Variants in ABCF1 observed in about 807,000 individuals in gnomAD.
The protein encoded by ABCF1 is ATP-binding cassette sub-family F member 1.
Under a neutral mutation model 126.3 loss-of-function variants are expected in ABCF1, and 73 were observed. That is an observed-to-expected ratio of 0.58 (90% CI 0.48 to 0.70). ABCF1 has a LOEUF of 0.70. Among genes scored for constraint, ABCF1 ranks in the 30% least tolerant of loss-of-function variants. The pLI is 0.00. For synonymous variants in ABCF1, 345 were observed against 396.4 expected, an observed-to-expected ratio of 0.87 and a Z score of 1.54; for missense variants, 786 against 1,057.5, an observed-to-expected ratio of 0.74 and a Z score of 3.56.
chr6:30,586,592 A>G lies in ABCF1; in HGVS notation c.1960+44A>G. The G allele has an allele frequency of 6.2e-7, 1 of 1,613,190 alleles. No individual in the cohort carries two copies. Among genetic ancestry groups the G allele is most frequent in the Non-Finnish European group, 8.5e-7 (1 of 1,179,806 alleles). ...CTCAGGGATGTGTAGCAGGAGCCAC[A>G]GGGAGAGTCTCTGGGGACCTCTTTG... On this transcript the variant is annotated intron_variant, in intron 19 of 24. Coordinates refer to ENST00000326195, the MANE Select transcript of ABCF1 (RefSeq NM_001025091.2). This position sits in a 1 kb window ranked among gnomAD's most constrained non-coding sequence, Gnocchi z 4.9.
At chr6:30,581,586 G>A (rs1314977550) in intron 8 of ABCF1, among the ~76,000 whole-genome samples, 1 of 151,666 alleles carries the variant, frequency 6.6e-6, no homozygotes, top group Non-Finnish European at 1.5e-5. Context: ...TGTGTTTTTA[G>A]TAGAGACAGG....
At chr6:30,571,614 G>C in intron 1 of ABCF1, 54 bp downstream of exon 1, 2 of 1,565,796 alleles carry the variant, frequency 1.3e-6, no homozygotes, top group Non-Finnish European at 1.7e-6. Flanking sequence ...AGAGGAGACT[G>C]CGCGTGTTTT....
At chr6:30,576,628 ATTC>A (rs1179728271) in intron 1 of ABCF1, among the ~76,000 whole-genome samples, 2 of 151,830 alleles carry the variant, frequency 1.3e-5, no homozygotes, top group South Asian at 2.1e-4. Context: ...CATCCTATGA[ATTC>A]TTCTTTATGT....
At chr6:30,572,448 A>G (rs1801301179) in intron 1 of ABCF1, among the ~76,000 whole-genome samples, 1 of 152,162 alleles carries the variant, frequency 6.6e-6, no homozygotes, top group African/African-American at 2.4e-5. Flanking sequence ...AGAGAGGAGG[A>G]GCATCTACTC....
At chr6:30,585,210 A>G in intron 14 of ABCF1, 50 bp from the exon 15 acceptor site, 1 of 1,528,734 alleles carries the variant, frequency 6.5e-7, no homozygotes, top group African/African-American at 1.4e-5. Context: ...GGGTTGTCTG[A>G]GCAAGGATCT....
chr6:30,571,556 A>C lies in ABCF1; in HGVS notation c.69A>C (p.Pro23=). ...EWIGDGESTS[P]SDKVVKKGKK... Reference sequence around the variant, plus strand: ...TCGGGGACGGAGAGAGCACGAGCCCATCAGGTGAGGCTGGTAGGCAAGGAA... The same window carrying C: ...TCGGGGACGGAGAGAGCACGAGCCCCTCAGGTGAGGCTGGTAGGCAAGGAA... Residue 23 remains proline, a synonymous_variant, in exon 1 of 25, where the codon CCA becomes CCC. Transcript: ENST00000326195. The C allele has an allele frequency of 2.5e-6, 4 of 1,609,852 alleles. No homozygotes were observed. The highest frequency in any genetic ancestry group is 3.4e-6 in the Non-Finnish European group (4 of 1,179,368).
rs1396915346 is a variant in ABCF1 at position 30,584,803 on chromosome 6, T to C, written c.1391+237T>C. ...TGGGTCACGCCTGTAATCCCAGCAC[T>C]TTGGAAGGCAGAGGCAGGAGGATTA... is the stretch of plus-strand genomic sequence containing the variant. On this transcript the variant is annotated intron_variant, in intron 14 of 24. Coordinates refer to ENST00000326195, the MANE Select transcript of ABCF1 (RefSeq NM_001025091.2). This position sits in a 1 kb window ranked among gnomAD's most constrained non-coding sequence, Gnocchi z 4.6. Among the ~76,000 whole-genome samples, 1 of 152,144 alleles carries C rather than the reference T, an allele frequency of 6.6e-6. No individual in the cohort carries two copies. The highest frequency in any genetic ancestry group is 1.5e-5 in the Non-Finnish European group (1 of 68,016).
chr6:30,580,014 G>C lies in ABCF1; in HGVS notation c.564+9G>C. The C allele has an allele frequency of 6.2e-7, 1 of 1,611,872 alleles. No homozygotes were observed. The highest frequency in any genetic ancestry group is 8.5e-7 in the Non-Finnish European group (1 of 1,179,350). On this transcript the variant is annotated intron_variant, in intron 7 of 24. Transcript: ENST00000326195. ...CAAAAGGGAAGGCTAAGGTGAGAGA[G>C]TAACTAGCAGGAGGAGGTATTGGGG...
At position 30,582,426 on chromosome 6, in the gene ABCF1, G is replaced by A. The variant is rs766306941; in HGVS notation, c.711G>A (p.Glu237=). Residue 237 remains glutamate, a synonymous_variant, in exon 9 of 25, where the codon GAG becomes GAA. Transcript: ENST00000326195. ...GSEEEGEGEE[E]EEEGGESKAD... ...AGGAAGAAGGAGAAGGGGAAGAAGAGGAGGAGGAAGGAGGAGAGTCTAAGG... is the reference window on the plus strand; with the variant it reads ...AGGAAGAAGGAGAAGGGGAAGAAGAAGAGGAGGAAGGAGGAGAGTCTAAGG... The A allele has an allele frequency of 5.6e-6, 9 of 1,610,570 alleles. No individual in the cohort carries two copies. Among genetic ancestry groups the A allele is most frequent in the South Asian group, 1.1e-5 (1 of 90,976 alleles).
At chr6:30,577,771 G>T (rs1027794788) in intron 2 of ABCF1, 47 bp from the exon 3 acceptor site, 34 of 1,584,208 alleles carry the variant, frequency 2.1e-5, no homozygotes, top group Non-Finnish European at 2.7e-5. Context: ...AGCCTGCTTG[G>T]ATTGCTCTTG....
rs1801586455 is a variant in ABCF1 at position 30,577,890 on chromosome 6, C to T, written c.193C>T (p.Gln65Ter). 1 of 1,613,562 alleles carries T rather than the reference C, an allele frequency of 6.2e-7. No homozygotes were observed. Among genetic ancestry groups the T allele is most frequent in the South Asian group, 1.1e-5 (1 of 91,070 alleles). ...EEKVLKEKEQ[Q>*]QQQQQQQQKK... Reference sequence around the variant, plus strand: ...GAAAGTGCTCAAGGAGAAGGAGCAGCAGCAGCAGCAACAGCAACAGCAGGT... The same window carrying T: ...GAAAGTGCTCAAGGAGAAGGAGCAGTAGCAGCAGCAACAGCAACAGCAGGT... Residue 65 changes from glutamine (Q) to a stop codon, truncating the protein, a stop_gained, in exon 3 of 25, where the codon CAG (glutamine) becomes TAG (stop). Coordinates refer to ENST00000326195, the MANE Select transcript of ABCF1 (RefSeq NM_001025091.2). LOFTEE classifies it high-confidence loss of function.
intron 1 of ABCF1, 33 bp downstream of exon 1, chr6:30,571,593 AG>A (rs1561778606): frequency 6.3e-7 from 1 of 1,598,068 alleles, no homozygotes; most frequent in Non-Finnish European, 8.5e-7. Flanking sequence ...AAACGAGCAG[AG>A]GGGGAAGAGA....
chr6:30,582,205 C>T (rs1045232301), intron 8 of ABCF1, among the ~76,000 whole-genome samples, 189 bp from the exon 9 acceptor site: 1 of 151,882 alleles, frequency 6.6e-6, no homozygotes, highest in Non-Finnish European at 1.5e-5. Flanking sequence ...TACAGGCGCC[C>T]GCCACCACGT....
In ABCF1 at chr6:30,577,889, G is replaced by A. The variant is rs756556302; in HGVS notation, c.192G>A (p.Gln64=). 9 of 1,613,728 alleles carry A rather than the reference G, an allele frequency of 5.6e-6. No individual in the cohort carries two copies. The South Asian group carries it at 8.8e-5, about 16-fold the overall frequency. ...EEEKVLKEKE[Q]QQQQQQQQQK... is the part of the protein sequence containing the mutation. Reference sequence around the variant, plus strand: ...AGAAAGTGCTCAAGGAGAAGGAGCAGCAGCAGCAGCAACAGCAACAGCAGG... The same window carrying A: ...AGAAAGTGCTCAAGGAGAAGGAGCAACAGCAGCAGCAACAGCAACAGCAGG... Residue 64 remains glutamine (Q), a synonymous_variant, in exon 3 of 25, where the codon CAG becomes CAA. Transcript: ENST00000326195.
In ABCF1 at chr6:30,584,717, C is replaced by G; in HGVS notation, c.1391+151C>G. 2.7e-6 allele frequency: 3 copies of G among 1,120,104 alleles called. No homozygotes were observed. The highest frequency in any genetic ancestry group is 3.3e-5 in the South Asian group (2 of 61,116). 69.4% of individuals were successfully genotyped at this position (1,120,104 alleles called of 1,614,324 possible). On this transcript the variant is annotated intron_variant, in intron 14 of 24. Transcript: ENST00000326195. This position sits in a 1 kb window ranked among gnomAD's most constrained non-coding sequence, Gnocchi z 4.6. Reference sequence around the variant, plus strand: ...TGTGTTGTGAGAACTTAGGGTCTTTCTCTATTTATCTCCCTACTTGGTGGT... The same window carrying G: ...TGTGTTGTGAGAACTTAGGGTCTTTGTCTATTTATCTCCCTACTTGGTGGT...
chr6:30,583,285 C>T lies in ABCF1; in HGVS notation c.915+97C>T. The T allele has an allele frequency of 1.4e-6, 2 of 1,468,878 alleles. No individual in the cohort carries two copies. The highest frequency in any genetic ancestry group is 2.3e-5 in the East Asian group (1 of 43,572). The allele number at this position is 1,468,878 out of a possible 1,614,324, so 91.0% of individuals were successfully genotyped here. A position where few individuals can be genotyped will look rare whatever the true frequency, so the allele number is the denominator to read the frequency against. ...GCTGTGGTGTGTGAATGGGTTAGTT[C>T]AGTGGGAAGAAAGATTGGAGGCATT... On this transcript the variant is annotated intron_variant, in intron 10 of 24. Coordinates refer to ENST00000326195, the MANE Select transcript of ABCF1 (RefSeq NM_001025091.2). The surrounding 1 kb of genome is among the most constrained non-coding windows in gnomAD (Gnocchi z 4.1).
At position 30,590,299 on chromosome 6, in the gene ABCF1, T is replaced by C; in HGVS notation, c.2299-7T>C. 6.2e-6 allele frequency: 10 copies of C among 1,611,922 alleles called. No homozygotes were observed. Among genetic ancestry groups the C allele is most frequent in the Non-Finnish European group, 8.5e-6 (10 of 1,179,162 alleles). ...CAGTGCTCAGTCATGGAATTCCTCC[T>C]ATGTAGGACGAGCCAACCAATAACC... On this transcript the variant is annotated splice_polypyrimidine_tract_variant and splice_region_variant and intron_variant, in intron 23 of 24. Transcript: ENST00000326195.
chr6:30,578,030 C>G, intron 3 of ABCF1, 46 bp from the exon 4 acceptor site: 1 of 1,613,796 alleles, frequency 6.2e-7, no homozygotes, highest in Non-Finnish European at 8.5e-7. Context: ...AGAAATACAG[C>G]AGGGGCCTGG....
intron 20 of ABCF1, chr6:30,589,481 T>C (rs1802324651): frequency 1.6e-6 from 1 of 610,640 alleles, no homozygotes; most frequent in East Asian, 2.8e-5. Context: ...CAGGCACCTG[T>C]ATTCCCAGCT....
Sources: gnomAD v4.1 joint callset for allele counts (sites outside exome capture counted in the v4.1 genomes callset) on GRCh38, gnomAD v4.1.1 for gene constraint, Gnocchi (gnomAD v3.1) non-coding constraint, MANE v1.5 for transcripts, NCBI Gene and HGNC (gene_info 2026-07-23, HGNC 2026-07-21) for gene names.